Variants in PDE4D observed in about 807,000 individuals in gnomAD.
PDE4D encodes the protein phosphodiesterase 4D, also known as 3',5'-cyclic-AMP phosphodiesterase 4D.
Under a neutral mutation model 87.4 loss-of-function variants are expected in PDE4D, and 24 were observed. That is an observed-to-expected ratio of 0.27 (90% CI 0.20 to 0.39). The LOEUF (loss-of-function observed/expected upper bound fraction) is 0.39, where lower values mean the gene tolerates loss of function less well. PDE4D is among the 10% of genes least tolerant of loss of function. The pLI, the probability that PDE4D is intolerant of heterozygous loss-of-function variation, is 1.00. For synonymous variants in PDE4D, 384 were observed against 383.2 expected (o/e 1.00, Z -0.02); for missense variants, 714 against 1,041.0 (o/e 0.69, Z 4.32).
rs34074485 is a variant in PDE4D at position 59,413,457 on chromosome 5, C to CAAAAAA, written c.456-197495_456-197490dup. On this transcript the variant is annotated intron_variant, in intron 1 of 14. Coordinates refer to ENST00000340635, the MANE Select transcript of PDE4D (RefSeq NM_001104631.2). ...TGGGTGACTGAGTGAGACTCCATCT[C>CAAAAAA]AAAAAAAAAAAAAAAAAAAAAAAAG... is the stretch of plus-strand genomic sequence containing the variant. Among the ~76,000 whole-genome samples, 71 of 54,372 alleles carry CAAAAAA rather than the reference C, an allele frequency of 1.3e-3. 4 individuals are homozygous for CAAAAAA. The highest frequency in any genetic ancestry group is 3.4e-3 in the African/African-American group (41 of 12,012). The allele number at this position is 54,372 out of a possible 152,430, so 35.7% of individuals were successfully genotyped here. A position where few individuals can be genotyped will look rare whatever the true frequency, so the allele number is the denominator to read the frequency against.
At chr5:59,128,834 C>T (rs1474816240) in intron 5 of PDE4D, among the ~76,000 whole-genome samples, 1 of 152,204 alleles carries the variant, frequency 6.6e-6, no homozygotes, top group East Asian at 1.9e-4. Flanking sequence ...CCATCTAGAA[C>T]TATTTAGAAT....
intron 4 of PDE4D, among the ~76,000 whole-genome samples, chr5:59,184,824 T>C (rs1742514815): frequency 6.6e-6 from 1 of 152,116 alleles, no homozygotes; most frequent in Admixed American, 6.6e-5. Flanking sequence ...ATCGTTGTCT[T>C]GAGAGGATGA....
chr5:59,336,872 C>T (rs1303400865), intron 1 of PDE4D, among the ~76,000 whole-genome samples: 1 of 152,176 alleles, frequency 6.6e-6, no homozygotes, highest in Non-Finnish European at 1.5e-5. Context: ...CGCTGGCTTC[C>T]TGACACAAGA....
At chr5:59,723,486 T>G (rs1352062646) in intron 1 of PDE4D, among the ~76,000 whole-genome samples, 2 of 152,132 alleles carry the variant, frequency 1.3e-5, no homozygotes, top group African/African-American at 4.8e-5. Flanking sequence ...TGGATAATTT[T>G]TACTAATGTG....
At chr5:59,767,266 GTT>G (rs1240603377) in intron 1 of PDE4D, among the ~76,000 whole-genome samples, 2 of 151,452 alleles carry the variant, frequency 1.3e-5, no homozygotes, top group African/African-American at 2.4e-5. Context: ...TTTTTGTTAT[GTT>G]TTCTTTATCA....
intron 3 of PDE4D, among the ~76,000 whole-genome samples, chr5:59,984,647 T>A (rs896873255): frequency 6.6e-6 from 1 of 152,226 alleles, no homozygotes; most frequent in African/African-American, 2.4e-5. Context: ...CTCAGTCTCT[T>A]GACCCAAGTA....
intron 1 of PDE4D, among the ~76,000 whole-genome samples, chr5:60,494,263 G>A (rs1198766106): frequency 6.6e-6 from 1 of 152,170 alleles, no homozygotes; most frequent in Non-Finnish European, 1.5e-5. Context: ...TGCACTGGGG[G>A]TAGGGGGATC....
intron 1 of PDE4D, among the ~76,000 whole-genome samples, chr5:59,392,750 T>C (rs964581379): frequency 2.6e-5 from 4 of 152,074 alleles, no homozygotes; most frequent in African/African-American, 9.7e-5. Flanking sequence ...CCTTCTCCAT[T>C]TGAATAGCTC....
At chr5:58,989,949 T>C (rs1747470508) in intron 9 of PDE4D, 30 bp from the exon 10 acceptor site, 8 of 1,406,484 alleles carry the variant, frequency 5.7e-6, no homozygotes, top group Non-Finnish European at 4.9e-6. Context: ...CTTAACATTT[T>C]TGTCTTTATG....
At chr5:60,421,913 C>T (rs183307432) in intron 1 of PDE4D, among the ~76,000 whole-genome samples, 1 of 152,180 alleles carries the variant, frequency 6.6e-6, no homozygotes, top group African/African-American at 2.4e-5. Flanking sequence ...GCTTCAATAG[C>T]CTGTTAGATC....
At chr5:59,134,965 T>G (rs1776819097) in intron 5 of PDE4D, among the ~76,000 whole-genome samples, 1 of 152,246 alleles carries the variant, frequency 6.6e-6, no homozygotes, top group Non-Finnish European at 1.5e-5. Context: ...GTGGTTTGGT[T>G]TGTGGCATAT....
intron 1 of PDE4D, among the ~76,000 whole-genome samples, chr5:60,496,842 T>A (rs1159919112): frequency 6.6e-6 from 1 of 152,224 alleles, no homozygotes; most frequent in African/African-American, 2.4e-5. Flanking sequence ...ACTTCCCATA[T>A]TTCTAGTAAT....
At chr5:60,295,202 T>A (rs2149781626) in intron 1 of PDE4D, among the ~76,000 whole-genome samples, 1 of 152,358 alleles carries the variant, frequency 6.6e-6, no homozygotes, top group Admixed American at 6.5e-5. Flanking sequence ...TTGACTGAGA[T>A]ACTGAGACCT....
intron 1 of PDE4D, among the ~76,000 whole-genome samples, chr5:59,472,217 A>C (rs1284530573): frequency 6.6e-6 from 1 of 152,236 alleles, no homozygotes; most frequent in East Asian, 1.9e-4. Context: ...TCTAAAGTAA[A>C]TATGCTTGCT....
chr5:59,172,190 A>C (rs1783060635), intron 5 of PDE4D, among the ~76,000 whole-genome samples: 1 of 111,124 alleles, frequency 9.0e-6, no homozygotes, highest in South Asian at 2.4e-4. Context: ...TATATAATAC[A>C]TATATAATAA....
intron 1 of PDE4D, among the ~76,000 whole-genome samples, chr5:60,477,182 G>A (rs1263259846): frequency 3.3e-5 from 5 of 152,032 alleles, no homozygotes; most frequent in African/African-American, 4.8e-5. Context: ...AAAACCCCAC[G>A]GACTCACCCA....
At chr5:59,172,084 A>ATATT (rs542369511) in intron 5 of PDE4D, among the ~76,000 whole-genome samples, 34 of 1,666 alleles carry the variant, frequency 0.02, 3 homozygotes, top group African/African-American at 0.14. Flanking sequence ...TATATATTAT[A>ATATT]TATATAATAA....
intron 3 of PDE4D, among the ~76,000 whole-genome samples, chr5:59,939,128 T>A (rs900236801): frequency 6.6e-6 from 1 of 152,300 alleles, no homozygotes; most frequent in Non-Finnish European, 1.5e-5. Flanking sequence ...GTAATAAAGA[T>A]GAGGTAGGGC....
At chr5:59,260,494 G>T (rs373413536) in intron 1 of PDE4D, among the ~76,000 whole-genome samples, 1 of 151,768 alleles carries the variant, frequency 6.6e-6, no homozygotes. Flanking sequence ...CAAATGGCAT[G>T]AATTACGAAA....
Sources: gnomAD v4.1 joint callset for allele counts (sites outside exome capture counted in the v4.1 genomes callset) on GRCh38, gnomAD v4.1.1 for gene constraint, MANE v1.5 for transcripts, NCBI Gene and HGNC (gene_info 2026-07-23, HGNC 2026-07-21) for gene names.